The following FAR1 variants were observed in gnomAD, a reference collection of about 807,000 sequenced individuals.
The protein encoded by FAR1 is male sterility domain-containing protein 2.
A neutral mutation model predicts 61.1 loss-of-function variants in FAR1; 22 were observed. The ratio of observed to expected loss-of-function variants is 0.36; its 90% confidence interval spans 0.26 to 0.51. The LOEUF (loss-of-function observed/expected upper bound fraction) is 0.51. Among genes scored for constraint, FAR1 ranks in the 20% least tolerant of loss-of-function variants. The pLI is 0.95. For missense variants in FAR1, 359 were observed against 626.9 expected (o/e 0.57, Z 4.56); for synonymous variants, 206 against 209.7 (o/e 0.98, Z 0.15).
At chr11:13,701,162 A>G (rs1484094227) in intron 3 of FAR1, among the ~76,000 whole-genome samples, 1 of 152,070 alleles carries the variant, frequency 6.6e-6, no homozygotes, top group Non-Finnish European at 1.5e-5. Flanking sequence ...ATGTTAATCT[A>G]ATTGTATAGT....
intron 1 of FAR1, among the ~76,000 whole-genome samples, chr11:13,673,902 CTATTA>C (rs772840834): frequency 9.9e-5 from 15 of 152,138 alleles, no homozygotes; most frequent in Non-Finnish European, 1.8e-4. Flanking sequence ...CCATCTTATC[CTATTA>C]TTTTTTTAAA....
At chr11:13,698,724 T>C (rs539764414) in intron 2 of FAR1, among the ~76,000 whole-genome samples, 1 of 151,508 alleles carries the variant, frequency 6.6e-6, no homozygotes, top group Non-Finnish European at 1.5e-5. Context: ...CCAGCTACTC[T>C]GGAGGCTGAG....
chr11:13,675,635 C>T (rs1223568968), intron 1 of FAR1, among the ~76,000 whole-genome samples: 12 of 152,140 alleles, frequency 7.9e-5, no homozygotes, highest in Admixed American at 7.9e-4. Context: ...GTTAAAAAGC[C>T]TTCTAAATAT....
chr11:13,725,168 T>C (rs1848656474), intron 10 of FAR1, among the ~76,000 whole-genome samples: 1 of 152,218 alleles, frequency 6.6e-6, no homozygotes, highest in Non-Finnish European at 1.5e-5. Flanking sequence ...TTTATGTCTA[T>C]ATGTACACAT....
chr11:13,690,726 C>T (rs988002204), intron 1 of FAR1, among the ~76,000 whole-genome samples: 1 of 151,878 alleles, frequency 6.6e-6, no homozygotes, highest in African/African-American at 2.4e-5. Context: ...TTTGTATTTC[C>T]ATAAACATTT....
chr11:13,707,832 T>C, intron 3 of FAR1, 68 bp from the exon 4 acceptor site: 3 of 1,179,406 alleles, frequency 2.5e-6, no homozygotes, highest in Non-Finnish European at 3.4e-6. Context: ...CTAATGAAAA[T>C]GATATTTTTA....
rs1410581255 is a variant in FAR1 at position 13,721,880 on chromosome 11, T to G, written c.1257+21T>G. Reference sequence around the variant, plus strand: ...AAAAGGCAAGCAAGTATTTTCTGTTTTATATTAGAAAATAAGTAGCATACT... The same window carrying G: ...AAAAGGCAAGCAAGTATTTTCTGTTGTATATTAGAAAATAAGTAGCATACT... On this transcript the variant is annotated intron_variant, in intron 10 of 11. Transcript: ENST00000354817. The surrounding 1 kb of genome is among the most constrained non-coding windows in gnomAD (Gnocchi z 4.2). 2 of 1,571,614 alleles carry G rather than the reference T, an allele frequency of 1.3e-6. No homozygotes were observed. Among genetic ancestry groups the G allele is most frequent in the Admixed American group, 1.9e-5 (1 of 53,618 alleles).
intron 11 of FAR1, among the ~76,000 whole-genome samples, chr11:13,727,924 A>T (rs1456534536): frequency 1.3e-5 from 2 of 151,918 alleles, no homozygotes; most frequent in Non-Finnish European, 2.9e-5. Flanking sequence ...AGCCAGTTCT[A>T]TAGATGAGGA....
rs1473556255 is a variant in FAR1, at chr11:13,732,119, CTG to C, written c.*3348_*3349del. 2 of 114,828 alleles carry C rather than the reference CTG, an allele frequency of 1.7e-5. No homozygotes were observed. Among genetic ancestry groups the C allele is most frequent in the Admixed American group, 8.5e-5 (1 of 11,796 alleles). 7.1% of individuals were successfully genotyped at this position (114,828 alleles called of 1,614,324 possible). A position where few individuals can be genotyped will look rare whatever the true frequency, so the allele number is the denominator to read the frequency against. On this transcript the variant is annotated 3_prime_UTR_variant, in exon 12 of 12. Transcript: ENST00000354817. ...GATTACAGAAATGAGTTAATTGTCTCTGTGATAAAAAAAAAAAATGAAATATT... is the reference window on the plus strand; with the variant it reads ...GATTACAGAAATGAGTTAATTGTCTCTGATAAAAAAAAAAAATGAAATATT...
chr11:13,706,872 G>A (rs956768963), intron 3 of FAR1, among the ~76,000 whole-genome samples: 3 of 152,210 alleles, frequency 2.0e-5, no homozygotes, highest in Admixed American at 2.0e-4. Flanking sequence ...ACCAGTCTTA[G>A]TAGGTAGGTT....
At chr11:13,697,042 A>G (rs1395941806) in intron 2 of FAR1, among the ~76,000 whole-genome samples, 1 of 152,196 alleles carries the variant, frequency 6.6e-6, no homozygotes, top group Non-Finnish European at 1.5e-5. Context: ...TGTGACAACC[A>G]AAAATGTTTT....
rs149606745 is a variant in FAR1 at position 13,709,228 on chromosome 11, T to C, written c.545+1149T>C. Among the ~76,000 whole-genome samples, 4 of 152,292 alleles carry C rather than the reference T, an allele frequency of 2.6e-5. 1 individual carries two copies. The East Asian group carries it at 7.7e-4, about 29-fold the overall frequency. ...AGTCTTTTCTTTAAGGCTTTCCTGC[T>C]AATATGAGGAAACAGATAGATTGTA... On this transcript the variant is annotated intron_variant, in intron 4 of 11. Coordinates refer to ENST00000354817, the MANE Select transcript of FAR1 (RefSeq NM_032228.6).
At position 13,721,702 on chromosome 11, in the gene FAR1, G is replaced by T; in HGVS notation, c.1128-28G>T. On this transcript the variant is annotated intron_variant, in intron 9 of 11. Transcript: ENST00000354817. This position sits in a 1 kb window ranked among gnomAD's most constrained non-coding sequence, Gnocchi z 4.2. ...ATTTTTCCTAATCTATACAAAATAT[G>T]AATCTGTCCATTTTTCTTACAATAC... 6.2e-7 allele frequency: 1 copy of T among 1,602,136 alleles called. No homozygotes were observed. The highest frequency in any genetic ancestry group is 1.1e-5 in the South Asian group (1 of 89,050).
chr11:13,672,026 A>G (rs538154814), intron 1 of FAR1, among the ~76,000 whole-genome samples: 2 of 152,356 alleles, frequency 1.3e-5, no homozygotes, highest in African/African-American at 2.4e-5. Context: ...GCAACAAAGT[A>G]TATAGCTGAG....
intron 1 of FAR1, among the ~76,000 whole-genome samples, chr11:13,686,243 C>A (rs1848183363): frequency 6.6e-6 from 1 of 152,060 alleles, no homozygotes; most frequent in Non-Finnish European, 1.5e-5. Context: ...TTTTTCTTTC[C>A]CTTTCTTCCC....
chr11:13,684,216 A>C (rs1024775931), intron 1 of FAR1, among the ~76,000 whole-genome samples: 2 of 152,250 alleles, frequency 1.3e-5, no homozygotes, highest in Non-Finnish European at 2.9e-5. Flanking sequence ...TGTTTCATAC[A>C]TAAGTAACCA....
intron 1 of FAR1, among the ~76,000 whole-genome samples, chr11:13,687,422 G>A (rs1267789311): frequency 6.6e-6 from 1 of 152,210 alleles, no homozygotes; most frequent in Admixed American, 6.5e-5. Context: ...TTGCAGTGGT[G>A]CAGCTACTTT....
At position 13,729,656 on chromosome 11, in the gene FAR1, G is replaced by C. The variant is rs1272258043; in HGVS notation, c.*882G>C. 6.6e-6 allele frequency: 1 copy of C among 151,936 alleles called. No individual in the cohort carries two copies. The highest frequency in any genetic ancestry group is 1.5e-5 in the Non-Finnish European group (1 of 67,844). 9.4% of individuals were successfully genotyped at this position (151,936 alleles called of 1,614,324 possible). On this transcript the variant is annotated 3_prime_UTR_variant, in exon 12 of 12. Transcript: ENST00000354817. ...GTTGGGAAGGATTCACCATACTTGT[G>C]TTCTCCTCCCTTTATAAATTTTATT...
intron 1 of FAR1, among the ~76,000 whole-genome samples, chr11:13,689,790 G>C (rs1037296721): frequency 1.3e-5 from 2 of 152,062 alleles, no homozygotes; most frequent in Admixed American, 1.3e-4. Context: ...CTTATTCTGA[G>C]GGTCAGTGTA....
Sources: allele counts gnomAD v4.1 joint callset (sites outside exome capture counted in the v4.1 genomes callset), GRCh38; gene constraint gnomAD v4.1.1; non-coding constraint Gnocchi (gnomAD v3.1); transcripts MANE v1.5; gene names NCBI Gene and HGNC (gene_info 2026-07-23, HGNC 2026-07-21).